PRRC2C: variants seen among roughly 807,000 people sequenced by gnomAD.
PRRC2C encodes the protein protein PRRC2C.
Under a neutral mutation model 317.2 loss-of-function variants are expected in PRRC2C, and 72 were observed. The ratio of observed to expected loss-of-function variants is 0.23; its 90% CI spans 0.19 to 0.28. The LOEUF (loss-of-function observed/expected upper bound fraction) is 0.28. PRRC2C is among the 10% of genes least tolerant of loss of function. The probability of loss-of-function intolerance (pLI) is 1.00; values close to 1 mark genes in which losing one functional copy is unlikely to be tolerated. For synonymous variants in PRRC2C, 1,296 were observed against 1,205.9 expected (o/e 1.07, Z -1.55); for missense variants, 3,074 against 3,459.7 (o/e 0.89, Z 2.80).
chr1:171,550,285 G>C, intron 18 of PRRC2C, 45 bp downstream of exon 18: 1 of 1,485,732 alleles, frequency 6.7e-7, no homozygotes, highest in Non-Finnish European at 9.0e-7. Context: ...TAGATTTGTT[G>C]CCCAAAGTGT....
chr1:171,582,910 T>C (rs1320549654), intron 28 of PRRC2C, among the ~76,000 whole-genome samples: 7 of 152,032 alleles, frequency 4.6e-5, no homozygotes, highest in African/African-American at 1.5e-4. Flanking sequence ...CAACTTACTA[T>C]AATTTTTTGA....
Position 171,537,358 on chromosome 1 carries a change from G to C in PRRC2C, c.2389G>C (p.Asp797His), listed in dbSNP as rs1360437367. 3 of 1,593,778 alleles carry C rather than the reference G, an allele frequency of 1.9e-6. No individual in the cohort carries two copies. Among genetic ancestry groups the C allele is most frequent in the Non-Finnish European group, 2.6e-6 (3 of 1,169,306 alleles). Residue 797 changes from aspartate to histidine, a missense_variant, in exon 15 of 35, where the codon GAT (aspartate) becomes CAT (histidine). Around this residue, in one of 11 missense-constraint regions of PRRC2C, gnomAD observed 1,320 missense variants for 1,395.7 expected, o/e 0.95. Transcript: ENST00000647382. ...SFEHIARSAR[D>H]HAISLSEPRM... The stretch of plus-strand genomic sequence containing the variant: ...TGAGCATATAGCTCGATCTGCAAGA[G>C]ATCACGCAATTTCCCTTTCTGAGCC...
Position 171,536,272 on chromosome 1 carries a change from C to T in PRRC2C, c.2287C>T (p.His763Tyr). ...GRPAMDIPPI[H>Y]PGMIPPKPLM... ...ACCTGCTATGGATATTCCACCCATTCATCCTGGTCAGTTGAATTTGCATTT... is the reference window on the plus strand; with the variant it reads ...ACCTGCTATGGATATTCCACCCATTTATCCTGGTCAGTTGAATTTGCATTT... The change falls in exon 14 of 35, where the codon CAT becomes TAT. Residue 763 changes from histidine (H) to tyrosine (Y), a missense_variant. Physicochemically the swap from His to Tyr is moderately conservative, Grantham distance 83. Transcript: ENST00000647382. The T allele has an allele frequency of 6.2e-7, 1 of 1,613,402 alleles. No homozygotes were observed. Among genetic ancestry groups the T allele is most frequent in the East Asian group, 2.2e-5 (1 of 44,872 alleles).
chr1:171,497,905 C>G (rs996096322), intron 1 of PRRC2C, among the ~76,000 whole-genome samples: 20 of 151,894 alleles, frequency 1.3e-4, no homozygotes, highest in African/African-American at 4.8e-4. Flanking sequence ...GCCTCAACCT[C>G]CTAGGCTCCA....
intron 30 of PRRC2C, among the ~76,000 whole-genome samples, chr1:171,585,311 A>T (rs1558054688): frequency 6.6e-6 from 1 of 152,222 alleles, no homozygotes; most frequent in Non-Finnish European, 1.5e-5. Flanking sequence ...GCAGACTGTG[A>T]TCGAGCATAA....
At chr1:171,497,118 A>G (rs1190890059) in intron 1 of PRRC2C, among the ~76,000 whole-genome samples, 3 of 152,194 alleles carry the variant, frequency 2.0e-5, no homozygotes, top group African/African-American at 4.8e-5. Context: ...AGATGTTGCT[A>G]TGTTTTGTTG....
chr1:171,551,377 G>A (rs1298445898), intron 18 of PRRC2C, among the ~76,000 whole-genome samples: 1 of 152,134 alleles, frequency 6.6e-6, no homozygotes, highest in African/African-American at 2.4e-5. Context: ...TGTCAGATGA[G>A]TAGATTGCAA....
rs1239567719 is a variant in PRRC2C, at chr1:171,541,176, C to T, written c.3710C>T (p.Pro1237Leu). ...AGAGCAGAGCATATACCCTCAGGGC[C>T]TCTCAGACAGCGAGAAGAAAGTGAA... ...KPRAEHIPSG[P>L]LRQREESETR... Residue 1237 changes from proline (P) to leucine (L), a missense_variant, in exon 16 of 35, where the codon CCT (proline) becomes CTT (leucine). Around this residue, in one of 11 missense-constraint regions of PRRC2C, gnomAD observed 1,320 missense variants for 1,395.7 expected, o/e 0.95. Transcript: ENST00000647382. The surrounding 1 kb of genome is among the most constrained non-coding windows in gnomAD (Gnocchi z 4.1). 1 of 1,612,712 alleles carries T rather than the reference C, an allele frequency of 6.2e-7. No homozygotes were observed. Among genetic ancestry groups the T allele is most frequent in the African/African-American group, 1.3e-5 (1 of 74,808 alleles).
At position 171,540,059 on chromosome 1, in the gene PRRC2C, A is replaced by G. The variant is rs766247914; in HGVS notation, c.2593A>G (p.Ile865Val). ...QLEAHPKADF[I>V]RESSEAQVQK... ...AGAGGCTCACCCAAAGGCAGACTTT[A>G]TCAGAGAATCAAGTGAGGCACAAGT... The change falls in exon 16 of 35, where the codon ATC becomes GTC. Residue 865 changes from isoleucine (I) to valine (V), a missense_variant. Transcript: ENST00000647382. 1.9e-6 allele frequency: 3 copies of G among 1,613,894 alleles called. No homozygotes were observed. In the African/African-American group the frequency reaches 4.0e-5, roughly 22 times the overall value.
At chr1:171,496,622 A>G (rs1296264245) in intron 1 of PRRC2C, among the ~76,000 whole-genome samples, 1 of 152,184 alleles carries the variant, frequency 6.6e-6, no homozygotes, top group Non-Finnish European at 1.5e-5. Flanking sequence ...TATAGTATGC[A>G]CATAGGCACA....
intron 1 of PRRC2C, 79 bp from the exon 2 acceptor site, chr1:171,511,953 A>T (rs1671469150): frequency 1.9e-6 from 1 of 520,576 alleles, no homozygotes; most frequent in Non-Finnish European, 3.5e-6. Flanking sequence ...TGATATGGGA[A>T]GTTTTTTCAG....
At chr1:171,574,115 T>C (rs1440271281) in intron 24 of PRRC2C, among the ~76,000 whole-genome samples, 2 of 152,166 alleles carry the variant, frequency 1.3e-5, no homozygotes, top group Non-Finnish European at 2.9e-5. Flanking sequence ...CTGGATCTTA[T>C]AGATTATGTT....
intron 11 of PRRC2C, among the ~76,000 whole-genome samples, chr1:171,528,207 C>A (rs1160931289): frequency 1.3e-5 from 2 of 152,016 alleles, no homozygotes; most frequent in Admixed American, 1.3e-4. Flanking sequence ...TTCACAAAAA[C>A]CTCTCTCTTT....
chr1:171,578,998 G>A (rs750123429), intron 26 of PRRC2C, among the ~76,000 whole-genome samples: 20 of 152,292 alleles, frequency 1.3e-4, no homozygotes, highest in Non-Finnish European at 2.9e-4. Context: ...ATTCTAGTAG[G>A]TAGGTTTAAA....
At chr1:171,501,265 G>A (rs1255968846) in intron 1 of PRRC2C, among the ~76,000 whole-genome samples, 1 of 152,104 alleles carries the variant, frequency 6.6e-6, no homozygotes, top group African/African-American at 2.4e-5. Context: ...TGAGTAGCTG[G>A]GACTGCAGGT....
chr1:171,529,943 A>C (rs2102406172), intron 11 of PRRC2C, among the ~76,000 whole-genome samples: 1 of 152,334 alleles, frequency 6.6e-6, no homozygotes, highest in East Asian at 1.9e-4. Context: ...ATAGCTGTAC[A>C]TATCACAACC....
Position 171,517,690 on chromosome 1 carries a change from C to T in PRRC2C, c.626C>T (p.Thr209Ile), listed in dbSNP as rs1672633167. Residue 209 changes from threonine (T) to isoleucine (I), a missense_variant, in exon 6 of 35, where the codon ACA (threonine) becomes ATA (isoleucine). Thr to Ile is a moderately conservative substitution (Grantham distance 89). Transcript: ENST00000647382. Reference protein sequence around the residue: ...LPGQDESTAGTSEQNDILKVV... With the variant: ...LPGQDESTAGISEQNDILKVV... Reference sequence around the variant, plus strand: ...GGCCAGGATGAAAGCACAGCTGGAACATCAGAGCAAAATGATATCCTCAAA... The same window carrying T: ...GGCCAGGATGAAAGCACAGCTGGAATATCAGAGCAAAATGATATCCTCAAA... The T allele has an allele frequency of 6.2e-7, 1 of 1,613,542 alleles. No homozygotes were observed. The highest frequency in any genetic ancestry group is 1.3e-5 in the African/African-American group (1 of 74,912).
At chr1:171,501,569 C>G (rs1369343859) in intron 1 of PRRC2C, among the ~76,000 whole-genome samples, 2 of 152,126 alleles carry the variant, frequency 1.3e-5, no homozygotes, top group African/African-American at 4.8e-5. Context: ...GTGTGTTATT[C>G]AGAAGGTTTT....
At chr1:171,533,892 G>C (rs1447541088) in intron 12 of PRRC2C, among the ~76,000 whole-genome samples, 1 of 152,190 alleles carries the variant, frequency 6.6e-6, no homozygotes, top group East Asian at 1.9e-4. Flanking sequence ...AAAGTACTGG[G>C]ATTGTAGACG....
Sources: allele counts gnomAD v4.1 joint callset (sites outside exome capture counted in the v4.1 genomes callset), GRCh38; gene constraint gnomAD v4.1.1; regional missense constraint gnomAD v4.1.1; non-coding constraint Gnocchi (gnomAD v3.1); transcripts MANE v1.5; gene names NCBI Gene and HGNC (gene_info 2026-07-23, HGNC 2026-07-21).